The following NLGN1 variants were observed in gnomAD, a reference collection of about 807,000 sequenced individuals.
NLGN1 encodes the protein neuroligin 1, also known as neuroligin-1.
Under a neutral mutation model 65.5 loss-of-function variants are expected in NLGN1, and 12 were observed. The observed-to-expected ratio is 0.18, with a 90% CI of 0.12 to 0.30. The LOEUF (loss-of-function observed/expected upper bound fraction) is 0.30, where lower values mean the gene tolerates loss of function less well. Among genes scored for constraint, NLGN1 ranks in the 10% least tolerant of loss-of-function variants. NLGN1 has a pLI of 1.00. For synonymous variants in NLGN1, 350 were observed against 359.5 expected (o/e 0.97, Z 0.30); for missense variants, 750 against 1,007.1 (o/e 0.74, Z 3.46).
chr3:173,725,893 C>G (rs1560243667), intron 3 of NLGN1, among the ~76,000 whole-genome samples: 1 of 151,988 alleles, frequency 6.6e-6, no homozygotes, highest in Non-Finnish European at 1.5e-5. Flanking sequence ...CTCTTACCTC[C>G]TAGATGCTGC....
chr3:174,052,342 T>C (rs1735086238), intron 4 of NLGN1, among the ~76,000 whole-genome samples: 1 of 152,032 alleles, frequency 6.6e-6, no homozygotes, highest in South Asian at 2.1e-4. Flanking sequence ...ATATTAATTA[T>C]TATATTTTCC....
chr3:173,830,052 G>A (rs1203886041), intron 4 of NLGN1, among the ~76,000 whole-genome samples: 1 of 151,472 alleles, frequency 6.6e-6, no homozygotes, highest in African/African-American at 2.4e-5. Flanking sequence ...GTGTCCAACT[G>A]ATTTATCAAT....
intron 1 of NLGN1, among the ~76,000 whole-genome samples, chr3:173,415,904 T>TAGAGAGAG (rs1553844214): frequency 2.4e-5 from 3 of 125,438 alleles, no homozygotes; most frequent in African/African-American, 9.8e-5. Flanking sequence ...TATATATATA[T>TAGAGAGAG]AGAGAGAGAG....
At chr3:173,998,289 C>T (rs571970840) in intron 4 of NLGN1, among the ~76,000 whole-genome samples, 2 of 152,276 alleles carry the variant, frequency 1.3e-5, no homozygotes, top group Non-Finnish European at 2.9e-5. Context: ...GGAATCAGAA[C>T]ATCCTACTTC....
chr3:173,967,839 T>C (rs1266596124), intron 4 of NLGN1, among the ~76,000 whole-genome samples: 1 of 152,200 alleles, frequency 6.6e-6, no homozygotes, highest in African/African-American at 2.4e-5. Flanking sequence ...TCTTTATATA[T>C]TTCATTTTTC....
At chr3:174,098,496 A>G (rs916659893) in intron 4 of NLGN1, among the ~76,000 whole-genome samples, 2 of 152,186 alleles carry the variant, frequency 1.3e-5, no homozygotes, top group Admixed American at 1.3e-4. Context: ...CTGCTGCCTC[A>G]AATGATTTTT....
chr3:174,100,121 C>G (rs1561040855), intron 4 of NLGN1, among the ~76,000 whole-genome samples: 1 of 152,092 alleles, frequency 6.6e-6, no homozygotes, highest in Admixed American at 6.5e-5. Context: ...AAAAAAACTT[C>G]CTTAAATATT....
chr3:174,055,592 A>C (rs1735883211), intron 4 of NLGN1, among the ~76,000 whole-genome samples: 1 of 151,956 alleles, frequency 6.6e-6, no homozygotes, highest in Non-Finnish European at 1.5e-5. Context: ...CTCTAGGAAA[A>C]TTCATTCCTG....
intron 3 of NLGN1, among the ~76,000 whole-genome samples, chr3:173,723,194 T>A (rs1361438401): frequency 6.6e-6 from 1 of 152,184 alleles, no homozygotes; most frequent in East Asian, 1.9e-4. Context: ...TTTAGAAAGA[T>A]GTCAAGAGGG....
At chr3:173,451,408 C>T (rs150584992) in intron 2 of NLGN1, among the ~76,000 whole-genome samples, 23,600 of 152,056 alleles carry the variant, frequency 0.16, 1,901 homozygotes, top group Middle Eastern at 0.25. Flanking sequence ...GCTGCCTGAT[C>T]GTTCCTCTGG....
At chr3:173,466,102 A>G (rs758625373) in intron 2 of NLGN1, among the ~76,000 whole-genome samples, 10 of 152,216 alleles carry the variant, frequency 6.6e-5, no homozygotes, top group Admixed American at 6.5e-5. Context: ...CTTGAGGGAA[A>G]AGTTTCATCA....
At chr3:173,433,662 A>T (rs983677516) in intron 1 of NLGN1, among the ~76,000 whole-genome samples, 10 of 151,726 alleles carry the variant, frequency 6.6e-5, no homozygotes, top group Non-Finnish European at 1.2e-4. Context: ...GTACATAGAT[A>T]AGTTTTTATT....
At chr3:174,124,113 A>G (rs1231272514) in intron 4 of NLGN1, among the ~76,000 whole-genome samples, 4 of 152,104 alleles carry the variant, frequency 2.6e-5, no homozygotes, top group Non-Finnish European at 4.4e-5. Flanking sequence ...GTTCCCATCT[A>G]CAAGCCAGAA....
At chr3:174,007,949 AGTGTGTGT>A (rs5854543) in intron 4 of NLGN1, among the ~76,000 whole-genome samples, 31,068 of 148,662 alleles carry the variant, frequency 0.21, 3,574 homozygotes, top group East Asian at 0.35. Flanking sequence ...GACCAGTCTA[AGTGTGTGT>A]GTGTGTGTGT....
chr3:173,947,799 C>G (rs541950234), intron 4 of NLGN1, among the ~76,000 whole-genome samples: 16 of 152,088 alleles, frequency 1.1e-4, no homozygotes, highest in African/African-American at 3.9e-4. Flanking sequence ...TGCCAATATC[C>G]CTTTTCATAC....
At chr3:173,768,617 T>TA (rs1244003327) in intron 3 of NLGN1, among the ~76,000 whole-genome samples, 1 of 152,184 alleles carries the variant, frequency 6.6e-6, no homozygotes, top group Non-Finnish European at 1.5e-5. Context: ...GAACTTGTGT[T>TA]AAAAAATAAC....
chr3:173,448,824 T>C (rs1231137271), intron 2 of NLGN1, among the ~76,000 whole-genome samples: 4 of 152,254 alleles, frequency 2.6e-5, no homozygotes, highest in Non-Finnish European at 5.9e-5. Context: ...TATCCATTTC[T>C]TCTAGATTTT....
Position 174,106,231 on chromosome 3 carries a change from G to A in NLGN1, c.647-169084G>A, listed in dbSNP as rs141272213. Among the ~76,000 whole-genome samples the A allele has an allele frequency of 9.0e-3, 1,371 of 152,190 alleles. 11 individuals are homozygous for A. Among genetic ancestry groups the A allele is most frequent in the Middle Eastern group, 0.017 (5 of 294 alleles). On this transcript the variant is annotated intron_variant, in intron 4 of 6. Coordinates refer to ENST00000457714, the Ensembl canonical transcript of NLGN1. ...CACTCTGAACTTTTTGAGGTGAGAG[G>A]CCTCTTTAATATATGCTGTTTCTCC...
chr3:173,840,467 T>C (rs1724571204), intron 4 of NLGN1, among the ~76,000 whole-genome samples: 1 of 152,220 alleles, frequency 6.6e-6, no homozygotes. Context: ...TAGTAGTTTC[T>C]ATGCTCACAG....
Sources: gnomAD v4.1 joint callset for allele counts (sites outside exome capture counted in the v4.1 genomes callset) on GRCh38, gnomAD v4.1.1 for gene constraint, MANE v1.5 for transcripts, NCBI Gene and HGNC (gene_info 2026-07-23, HGNC 2026-07-21) for gene names.